Variants in FASTK observed in about 807,000 individuals in gnomAD.
FASTK encodes Fas activated serine/threonine kinase.
A neutral mutation model predicts 60.0 loss-of-function variants in FASTK; 28 were observed. The observed-to-expected ratio is 0.47, with a 90% CI of 0.35 to 0.64. The LOEUF is 0.64. FASTK is among the 30% of genes least tolerant of loss of function. The pLI is 0.01. For missense variants in FASTK, 595 were observed against 713.8 expected, an observed-to-expected ratio of 0.83 and a Z score of 1.90; for synonymous variants, 325 against 307.9, an observed-to-expected ratio of 1.06 and a Z score of -0.58.
chr7:151,078,899 G>A lies in FASTK; in HGVS notation c.628C>T (p.Leu210=). The change falls in exon 3 of 10, where the codon CTA becomes TTA. Residue 210 remains leucine, a synonymous_variant. Coordinates refer to ENST00000297532, the MANE Select transcript of FASTK (RefSeq NM_006712.5). ...LRGGQGLEAA[L]SCPRFLRYPR... is the part of the protein sequence containing the mutation. ...TACCGCAGAAAACGGGGGCAGCTTA[G>A]AGCAGCTTCCAACCCTTGCCCACCT... is the stretch of plus-strand genomic sequence containing the variant. 6.3e-7 allele frequency: 1 copy of A among 1,597,666 alleles called. No individual in the cohort carries two copies. The highest frequency in any genetic ancestry group is 2.2e-5 in the East Asian group (1 of 44,628).
chr7:151,078,032 A>G lies in FASTK; in HGVS notation c.886T>C (p.Phe296Leu). 6.2e-7 allele frequency: 1 copy of G among 1,606,050 alleles called. No individual in the cohort carries two copies. Among genetic ancestry groups the G allele is most frequent in the Non-Finnish European group, 8.5e-7 (1 of 1,173,402 alleles). ...RLNYLPLEQQ[F>L]MPCLERILAR... The stretch of plus-strand genomic sequence containing the variant: ...AGGATCCTCTCAAGGCAGGGCATAA[A>G]CTGCTGTTCCAGGGGCAGGTAGTTC... The change falls in exon 5 of 10, where the codon TTT becomes CTT. Residue 296 changes from phenylalanine to leucine, a missense_variant. Phe to Leu is a conservative substitution (Grantham distance 22). Around this residue, in one of 2 missense-constraint regions of FASTK, gnomAD observed 471 missense variants for 605.9 expected, o/e 0.78. Coordinates refer to ENST00000297532, the MANE Select transcript of FASTK (RefSeq NM_006712.5).
rs748916422 is a variant in FASTK at position 151,077,282 on chromosome 7, C to T, written c.1291+28G>A. The T allele has an allele frequency of 8.7e-6, 14 of 1,612,030 alleles. No homozygotes were observed. In the South Asian group the frequency reaches 8.8e-5, roughly 10 times the overall value. The stretch of plus-strand genomic sequence containing the variant: ...CGGCCTTAGCCAGGGCTCCGTCTCC[C>T]CGGGCCTGCCGCCTGCCCCTTGCTC... On this transcript the variant is annotated intron_variant, in intron 7 of 9. Coordinates refer to ENST00000297532, the MANE Select transcript of FASTK (RefSeq NM_006712.5).
Position 151,080,714 on chromosome 7 carries a change from C to T in FASTK, c.53G>A (p.Gly18Glu). 1 of 1,367,324 alleles carries T rather than the reference C, an allele frequency of 7.3e-7. No homozygotes were observed. The highest frequency in any genetic ancestry group is 9.4e-7 in the Non-Finnish European group (1 of 1,062,212). The allele number at this position is 1,367,324 out of a possible 1,614,324, so 84.7% of individuals were successfully genotyped here. Residue 18 changes from glycine (G) to glutamate (E), a missense_variant, in exon 1 of 10, where the codon GGA becomes GAA. This residue lies in a region of FASTK where 124 missense variants were observed against 107.9 expected (regional missense o/e 1.15). Coordinates refer to ENST00000297532, the MANE Select transcript of FASTK (RefSeq NM_006712.5). ...CTCCCCGGGCCCTGCGCAGGTCGCT[C>T]CCTCAGTCGGTCTCGGGGCCCGGGG... The part of the protein sequence containing the change: ...PGPRAPRPTE[G>E]ATCAGPGESW...
intron 6 of FASTK, 57 bp downstream of exon 6, chr7:151,077,564 T>G: frequency 6.5e-7 from 1 of 1,528,582 alleles, no homozygotes; most frequent in South Asian, 1.3e-5. Flanking sequence ...CCTCTGGCTT[T>G]TCCACTCTGC....
intron 1 of FASTK, chr7:151,080,352 A>T: frequency 1.4e-6 from 1 of 699,322 alleles, no homozygotes; most frequent in Non-Finnish European, 2.0e-6. Context: ...TCCCTCTCCC[A>T]CAGGAGGCGG....
Position 151,077,333 on chromosome 7 carries a change from G to C in FASTK, c.1268C>G (p.Thr423Ser). Residue 423 changes from threonine (T) to serine (S), a missense_variant, in exon 7 of 10, where the codon ACT becomes AGT. Coordinates refer to ENST00000297532, the MANE Select transcript of FASTK (RefSeq NM_006712.5). ...LGEEKYRQDL[T>S]VPPGYCTDFL... ...ACCTGTGCAGTAGCCTGGAGGCACAGTCAGGTCCTGGCGGTATTTCTCCTC... is the reference window on the plus strand; with the variant it reads ...ACCTGTGCAGTAGCCTGGAGGCACACTCAGGTCCTGGCGGTATTTCTCCTC... The C allele has an allele frequency of 6.2e-7, 1 of 1,613,096 alleles. No homozygotes were observed. Among genetic ancestry groups the C allele is most frequent in the Non-Finnish European group, 8.5e-7 (1 of 1,179,994 alleles).
Position 151,076,944 on chromosome 7 carries a change from T to A in FASTK, c.1511A>T (p.His504Leu). 1 of 1,611,248 alleles carries A rather than the reference T, an allele frequency of 6.2e-7. No homozygotes were observed. Among genetic ancestry groups the A allele is most frequent in the East Asian group, 2.2e-5 (1 of 44,810 alleles). ...GAGCTGGTAGCCCATCAGGCCTAGGTGCCGCTCCCTCAGGGCCCTCGAGCC... is the reference window on the plus strand; with the variant it reads ...GAGCTGGTAGCCCATCAGGCCTAGGAGCCGCTCCCTCAGGGCCCTCGAGCC... ...LLGSRALRER[H>L]LGLMGYQLLP... Residue 504 changes from histidine (H) to leucine (L), a missense_variant, in exon 9 of 10, where the codon CAC (histidine) becomes CTC (leucine). By Grantham distance (99) the His-to-Leu change is moderately conservative. Coordinates refer to ENST00000297532, the MANE Select transcript of FASTK (RefSeq NM_006712.5).
rs1222111907 is a variant in FASTK, at chr7:151,076,689, C to CT, written c.*35_*36insA. ...AACCAAAGTGCAAATCATCCACCCC[C>CT]CATGGGGGGGCCATCCTGAACCCCA... On this transcript the variant is annotated 3_prime_UTR_variant, in exon 10 of 10. Transcript: ENST00000297532. The CT allele has an allele frequency of 7.4e-7, 1 of 1,356,424 alleles. No individual in the cohort carries two copies. The highest frequency in any genetic ancestry group is 1.5e-5 in the African/African-American group (1 of 67,902). 84.0% of individuals were successfully genotyped at this position (1,356,424 alleles called of 1,614,324 possible).
intron 1 of FASTK, chr7:151,080,322 C>A: frequency 2.1e-6 from 1 of 479,610 alleles, no homozygotes; most frequent in Non-Finnish European, 3.2e-6. Flanking sequence ...GCGGCACCGG[C>A]GTGCACTCTC....
At chr7:151,077,817 GCCA>G (rs1436935887) in intron 5 of FASTK, 37 bp from the exon 6 acceptor site, 2 of 1,593,524 alleles carry the variant, frequency 1.3e-6, no homozygotes, top group Non-Finnish European at 1.7e-6. Context: ...TGGGCTGCAG[GCCA>G]CCCTGCTCCC....
Position 151,078,931 on chromosome 7 carries a change from A to C in FASTK, c.596T>G (p.Leu199Arg). The change falls in exon 3 of 10, where the codon CTT (leucine) becomes CGT (arginine). Residue 199 changes from leucine to arginine, a missense_variant. This residue lies in a region of FASTK where 471 missense variants were observed against 605.9 expected (regional missense o/e 0.78). Transcript: ENST00000297532. ...TTCCAACCCTTGCCCACCTCGGAGA[A>C]GGGGCTGCAAAGGGGGAGGTGGCTT... The part of the protein sequence containing the change: ...PPKPPPPLQP[L>R]LRGGQGLEAA... The C allele has an allele frequency of 1.3e-6, 2 of 1,574,822 alleles. No individual in the cohort carries two copies. The highest frequency in any genetic ancestry group is 1.7e-6 in the Non-Finnish European group (2 of 1,165,996).
chr7:151,078,210 A>G (rs1585009581), intron 4 of FASTK, 118 bp from the exon 5 acceptor site: 1 of 761,570 alleles, frequency 1.3e-6, no homozygotes, highest in Non-Finnish European at 2.1e-6. Flanking sequence ...AAGACAGGAC[A>G]GTCCCTCCGG....
At chr7:151,078,170 CT>C in intron 4 of FASTK, 78 bp from the exon 5 acceptor site, 1 of 1,156,430 alleles carries the variant, frequency 8.6e-7, no homozygotes, top group Non-Finnish European at 1.2e-6. Context: ...CTTAGAGAGG[CT>C]TAGCCCTCAG....
intron 4 of FASTK, 21 bp downstream of exon 4, chr7:151,078,541 G>A (rs753449916): frequency 2.0e-5 from 32 of 1,611,640 alleles, no homozygotes; most frequent in Middle Eastern, 1.7e-4. Flanking sequence ...AGATGCACTG[G>A]AGGGTGGGTG....
Position 151,076,988 on chromosome 7 carries a change from C to A in FASTK, c.1467G>T (p.Arg489=), listed in dbSNP as rs2150381849. ...LVLRERWHFC[R]DGRVLLGSRA... Reference sequence around the variant, plus strand: ...TCGAGCCCAGCAGCACCCGGCCGTCCCGGCAGAAATGCCAGCGTTCCCGCA... The same window carrying A: ...TCGAGCCCAGCAGCACCCGGCCGTCACGGCAGAAATGCCAGCGTTCCCGCA... The change falls in exon 9 of 10, where the codon CGG becomes CGT. Residue 489 remains arginine (R), a synonymous_variant. Coordinates refer to ENST00000297532, the MANE Select transcript of FASTK (RefSeq NM_006712.5). 7 of 1,612,500 alleles carry A rather than the reference C, an allele frequency of 4.3e-6. No individual in the cohort carries two copies. Among genetic ancestry groups the A allele is most frequent in the Non-Finnish European group, 5.9e-6 (7 of 1,179,836 alleles).
At chr7:151,079,411 G>T (rs1797855817) in intron 2 of FASTK, 89 bp downstream of exon 2, 2 of 1,299,516 alleles carry the variant, frequency 1.5e-6, no homozygotes, top group Non-Finnish European at 2.1e-6. Context: ...CGCCTGAGAG[G>T]CTGGGTCTCT....
rs546140358 is a variant in FASTK, at chr7:151,076,824, G to T, written c.1551C>A (p.Phe517Leu). 6.2e-7 allele frequency: 1 copy of T among 1,610,754 alleles called. No individual in the cohort carries two copies. The highest frequency in any genetic ancestry group is 1.3e-5 in the African/African-American group (1 of 75,016). Residue 517 changes from phenylalanine to leucine, a missense_variant, in exon 10 of 10, where the codon TTC (phenylalanine) becomes TTA (leucine). Transcript: ENST00000297532. Reference sequence around the variant, plus strand: ...GGCCTCTCTGGGACTCCAGTTCCTCGAAGGGTAGCTGTGGGGAGAGGAGAG... The same window carrying T: ...GGCCTCTCTGGGACTCCAGTTCCTCTAAGGGTAGCTGTGGGGAGAGGAGAG... ...LMGYQLLPLP[F>L]EELESQRGLP...
chr7:151,080,121 A>G (rs1003854900), intron 1 of FASTK, 199 bp from the exon 2 acceptor site: 4 of 579,152 alleles, frequency 6.9e-6, no homozygotes, highest in African/African-American at 5.6e-5. Flanking sequence ...CAGTGCGCTC[A>G]GCGCAGCACT....
chr7:151,079,873 G>C lies in FASTK; in HGVS notation c.132C>G (p.Thr44=). Residue 44 remains threonine (T), a synonymous_variant, in exon 2 of 10, where the codon ACC becomes ACG. Coordinates refer to ENST00000297532, the MANE Select transcript of FASTK (RefSeq NM_006712.5). ...SMLRVLLSAQ[T]SPARLSGLLL... ...GCAGGCCAGACAGCCGAGCAGGGGA[G>C]GTCTGAGCAGAGAGCAGGACTCGAA... 3.7e-6 allele frequency: 6 copies of C among 1,604,258 alleles called. No homozygotes were observed. The highest frequency in any genetic ancestry group is 1.3e-5 in the African/African-American group (1 of 74,908).
Sources: allele counts gnomAD v4.1 joint callset, GRCh38; gene constraint gnomAD v4.1.1; regional missense constraint gnomAD v4.1.1; transcripts MANE v1.5; gene names NCBI Gene and HGNC (gene_info 2026-07-23, HGNC 2026-07-21).